The following SORL1 variants were observed in gnomAD, a reference collection of about 807,000 sequenced individuals.
SORL1 encodes sortilin related receptor 1.
In SORL1, 127 loss-of-function variants were observed where a neutral mutation model predicts 273.7. The ratio of observed to expected loss-of-function variants is 0.46; its 90% CI spans 0.40 to 0.54. The LOEUF is 0.54. SORL1 is among the 20% of genes least tolerant of loss of function. The pLI, the probability that SORL1 is intolerant of heterozygous loss-of-function variation, is 0.00. For synonymous variants in SORL1, 1,031 were observed against 1,067.4 expected, an observed-to-expected ratio of 0.97 and a Z score of 0.66; for missense variants, 2,494 against 2,846.1, an observed-to-expected ratio of 0.88 and a Z score of 2.81.
At chr11:121,466,967 G>A (rs1362108196) in intron 1 of SORL1, among the ~76,000 whole-genome samples, 1 of 150,660 alleles carries the variant, frequency 6.6e-6, no homozygotes, top group Admixed American at 6.6e-5. Flanking sequence ...AGAAGAGAAA[G>A]AAACAAAGTA....
intron 8 of SORL1, among the ~76,000 whole-genome samples, chr11:121,519,233 A>T (rs1464076166): frequency 2.0e-5 from 3 of 151,990 alleles, no homozygotes; most frequent in South Asian, 2.1e-4. Context: ...GGTGTGAGCC[A>T]CCATGCCCGG....
rs1863875304 is a variant in SORL1, at chr11:121,631,433, A to G, written c.*1870A>G. On this transcript the variant is annotated 3_prime_UTR_variant, in exon 48 of 48. Transcript: ENST00000260197. Reference sequence around the variant, plus strand: ...TTGTCTTACCGTAGAGATTTGTTCAAAACTCTAAGCCCTACCACCTCCCCT... The same window carrying G: ...TTGTCTTACCGTAGAGATTTGTTCAGAACTCTAAGCCCTACCACCTCCCCT... The G allele has an allele frequency of 6.6e-6, 1 of 151,984 alleles. No individual in the cohort carries two copies. Among genetic ancestry groups the G allele is most frequent in the South Asian group, 2.1e-4 (1 of 4,822 alleles). The allele number at this position is 151,984 out of a possible 1,614,324, so 9.4% of individuals were successfully genotyped here.
intron 6 of SORL1, among the ~76,000 whole-genome samples, chr11:121,507,425 G>A (rs1474395039): frequency 6.6e-6 from 1 of 152,090 alleles, no homozygotes; most frequent in Non-Finnish European, 1.5e-5. Flanking sequence ...ACTTGATGGT[G>A]TTTCCTGGGT....
intron 30 of SORL1, chr11:121,590,441 G>A: frequency 2.0e-6 from 1 of 498,452 alleles, no homozygotes; most frequent in East Asian, 3.5e-5. Flanking sequence ...GCAACCAGTA[G>A]CATCTGCATC....
intron 5 of SORL1, among the ~76,000 whole-genome samples, chr11:121,494,748 T>C (rs533693266): frequency 1.3e-5 from 2 of 152,294 alleles, no homozygotes; most frequent in East Asian, 3.9e-4. Flanking sequence ...TCTCTAGGTG[T>C]TGGCTGCTGC....
Position 121,584,623 on chromosome 11 carries a change from A to G in SORL1, c.3706+1040A>G, listed in dbSNP as rs766226525. On this transcript the variant is annotated intron_variant, in intron 26 of 47. Coordinates refer to ENST00000260197, the MANE Select transcript of SORL1 (RefSeq NM_003105.6). ...TTTTTTTTTTTTGAGATAGGGTCTC[A>G]CTCTGTCACCCAGGCTGGAGTATAG... 9.1e-4 allele frequency among the ~76,000 whole-genome samples: 137 copies of G among 151,210 alleles called. 2 individuals are homozygous for G. Among genetic ancestry groups the G allele is most frequent in the Non-Finnish European group, 3.1e-4 (21 of 67,870 alleles).
chr11:121,489,968 A>G, intron 4 of SORL1, 75 bp from the exon 5 acceptor site: 2 of 1,066,910 alleles, frequency 1.9e-6, no homozygotes, highest in Non-Finnish European at 2.9e-6. Flanking sequence ...GTGGGATTTC[A>G]GCGGGTGTTT....
At chr11:121,555,483 G>A (rs1252943318) in intron 18 of SORL1, among the ~76,000 whole-genome samples, 165 bp downstream of exon 18, 1 of 152,204 alleles carries the variant, frequency 6.6e-6, no homozygotes, top group East Asian at 1.9e-4. Flanking sequence ...GGAGAGAAAA[G>A]GGGGTAAGTA....
chr11:121,514,840 G>A (rs1260649077), intron 8 of SORL1, among the ~76,000 whole-genome samples: 1 of 152,196 alleles, frequency 6.6e-6, no homozygotes, highest in Admixed American at 6.5e-5. Context: ...TAGTCCAGCA[G>A]TGGGCGGTCT....
chr11:121,622,166 A>G lies in SORL1; in HGVS notation c.6069A>G (p.Ser2023=). 1.3e-6 allele frequency: 2 copies of G among 1,588,272 alleles called. No individual in the cohort carries two copies. The highest frequency in any genetic ancestry group is 1.7e-5 in the Admixed American group (1 of 59,308). ...CATCTCATCTTTAATTTTCAGTTTC[A>G]TTATCAGCACCTGATGCCTTAAAAA... is the stretch of plus-strand genomic sequence containing the variant. ...KDSSIKITTV[S]LSAPDALKII... is the part of the protein sequence containing the mutation. Residue 2023 remains serine, a synonymous_variant, in exon 45 of 48, where the codon TCA becomes TCG. Coordinates refer to ENST00000260197, the MANE Select transcript of SORL1 (RefSeq NM_003105.6).
intron 25 of SORL1, among the ~76,000 whole-genome samples, chr11:121,581,136 TC>T (rs776045988): frequency 6.6e-6 from 1 of 151,520 alleles, no homozygotes; most frequent in Non-Finnish European, 1.5e-5. Context: ...TGTCTCTAAC[TC>T]CTGATCTCAA....
intron 11 of SORL1, among the ~76,000 whole-genome samples, chr11:121,524,003 G>A (rs1398994803): frequency 6.6e-6 from 1 of 152,194 alleles, no homozygotes; most frequent in East Asian, 1.9e-4. Context: ...TCTCACTGTG[G>A]CAGGGCTTCC....
intron 4 of SORL1, among the ~76,000 whole-genome samples, chr11:121,489,508 A>G (rs1183521737): frequency 1.3e-5 from 2 of 152,262 alleles, no homozygotes; most frequent in East Asian, 3.8e-4. Flanking sequence ...TATTTCACTT[A>G]GCAGAATGTC....
At chr11:121,623,495 G>A (rs1051940128) in intron 45 of SORL1, among the ~76,000 whole-genome samples, 1 of 152,232 alleles carries the variant, frequency 6.6e-6, no homozygotes, top group East Asian at 1.9e-4. Flanking sequence ...GGAAACAGCC[G>A]AGATGCCGAA....
At chr11:121,562,998 G>C (rs150779288) in intron 21 of SORL1, among the ~76,000 whole-genome samples, 155 of 152,242 alleles carry the variant, frequency 1.0e-3, no homozygotes, top group African/African-American at 3.6e-3. Context: ...GTATTGAGGG[G>C]TTGCTGTGTT....
In SORL1 at chr11:121,590,151, G is replaced by A. The variant is rs750038857; in HGVS notation, c.4190G>A (p.Trp1397Ter). ...GACAGGGAGAACGACTGTGGGGACT[G>A]GTCTGATGAGAAGGATTGTGGAGGT... is the stretch of plus-strand genomic sequence containing the variant. ...KCDRENDCGD[W>*]SDEKDCGDSH... The change falls in exon 30 of 48, where the codon TGG (tryptophan) becomes TAG (stop). Residue 1397 changes from tryptophan (W) to a stop codon, truncating the protein, a stop_gained. Coordinates refer to ENST00000260197, the MANE Select transcript of SORL1 (RefSeq NM_003105.6). LOFTEE classifies it high-confidence loss of function. 1 of 1,614,212 alleles carries A rather than the reference G, an allele frequency of 6.2e-7. No individual in the cohort carries two copies. The highest frequency in any genetic ancestry group is 8.5e-7 in the Non-Finnish European group (1 of 1,180,032).
chr11:121,603,781 G>T (rs1214287189), intron 32 of SORL1, among the ~76,000 whole-genome samples: 1 of 152,226 alleles, frequency 6.6e-6, no homozygotes, highest in African/African-American at 2.4e-5. Context: ...GTACTATAGA[G>T]TAATAGCTAC....
At chr11:121,625,052 A>C in intron 45 of SORL1, 33 bp from the exon 46 acceptor site, 2 of 1,516,070 alleles carry the variant, frequency 1.3e-6, no homozygotes, top group Non-Finnish European at 1.8e-6. Context: ...TCCATATTCG[A>C]CTTCCTGAGC....
At chr11:121,453,054 A>G (rs1483959550) in intron 1 of SORL1, 1 of 158,422 alleles carries the variant, frequency 6.3e-6, no homozygotes, top group African/African-American at 2.4e-5. Flanking sequence ...AGCACAATAA[A>G]AGTGGGCAAA....
Sources: gnomAD v4.1 joint callset for allele counts (sites outside exome capture counted in the v4.1 genomes callset) on GRCh38, gnomAD v4.1.1 for gene constraint, MANE v1.5 for transcripts, NCBI Gene and HGNC (gene_info 2026-07-23, HGNC 2026-07-21) for gene names.